The following MTA3 variants were observed in gnomAD, a reference collection of about 807,000 sequenced individuals.
The protein encoded by MTA3 is metastasis-associated protein MTA3.
MTA3 carries 34 observed loss-of-function variants against 83.5 expected under a neutral mutation model. The observed-to-expected ratio is 0.41, with a 90% CI of 0.31 to 0.54. The LOEUF (loss-of-function observed/expected upper bound fraction) is 0.54, where lower values mean the gene tolerates loss of function less well. MTA3 is among the 20% of genes least tolerant of loss of function. The pLI is 0.33. For missense variants in MTA3, 761 were observed against 726.4 expected (o/e 1.05, Z -0.55); for synonymous variants, 303 against 252.7 (o/e 1.20, Z -1.89).
chr2:42,514,111 G>A (rs959870020), intron 2 of MTA3, among the ~76,000 whole-genome samples: 2 of 152,160 alleles, frequency 1.3e-5, no homozygotes, highest in Non-Finnish European at 2.9e-5. Context: ...TACTTGGGAG[G>A]CTGAGGCAGG....
chr2:42,656,863 C>T (rs1230105651), intron 7 of MTA3, among the ~76,000 whole-genome samples: 1 of 152,098 alleles, frequency 6.6e-6, no homozygotes, highest in Non-Finnish European at 1.5e-5. Context: ...GATGAATGAA[C>T]TGAGGTATAC....
chr2:42,625,464 G>C (rs571401639), intron 4 of MTA3, among the ~76,000 whole-genome samples: 1 of 150,886 alleles, frequency 6.6e-6, no homozygotes, highest in Non-Finnish European at 1.5e-5. Context: ...TTTGTTTTAT[G>C]GGCCGGGCAC....
upstream of MTA3, among the ~76,000 whole-genome samples, chr2:42,565,046 G>C (rs1677848157): frequency 1.3e-5 from 2 of 152,146 alleles, no homozygotes; most frequent in African/African-American, 4.8e-5. Flanking sequence ...AAAGTGCTGG[G>C]ATTACAGGTG....
At chr2:42,618,773 T>C (rs1276406199) in intron 4 of MTA3, among the ~76,000 whole-genome samples, 2 of 152,130 alleles carry the variant, frequency 1.3e-5, no homozygotes, top group Admixed American at 1.3e-4. Flanking sequence ...ATGCCTGGCT[T>C]ATTAAAATAA....
intron 4 of MTA3, among the ~76,000 whole-genome samples, chr2:42,616,613 C>CT (rs2104151066): frequency 9.2e-6 from 1 of 108,668 alleles, no homozygotes; most frequent in Non-Finnish European, 1.7e-5. Context: ...GGGTCTCACT[C>CT]TGTCACCCAG....
intron 4 of MTA3, among the ~76,000 whole-genome samples, chr2:42,619,379 TTA>T (rs972587985): frequency 1.3e-5 from 2 of 152,204 alleles, no homozygotes; most frequent in Non-Finnish European, 2.9e-5. Context: ...TTTTTGTATC[TTA>T]GTCAGTTTTA....
chr2:42,616,023 C>T (rs546776758), intron 4 of MTA3, among the ~76,000 whole-genome samples: 1 of 150,180 alleles, frequency 6.7e-6, no homozygotes, highest in East Asian at 2.0e-4. Flanking sequence ...CCCGGCCGTA[C>T]AGGCGTGAGC....
Position 42,754,005 on chromosome 2 carries a change from C to T in MTA3, c.*606C>T. 1.0e-6 allele frequency: 1 copy of T among 985,310 alleles called. No individual in the cohort carries two copies. The highest frequency in any genetic ancestry group is 4.7e-5 in the South Asian group (1 of 21,318). 61.0% of individuals were successfully genotyped at this position (985,310 alleles called of 1,614,324 possible). On this transcript the variant is annotated 3_prime_UTR_variant, in exon 17 of 17. Coordinates refer to ENST00000405094, the MANE Select transcript of MTA3 (RefSeq NM_001330442.2). The stretch of plus-strand genomic sequence containing the variant: ...TACCCTCTGCATTCCTATATGTGAC[C>T]CTCCCTCCTACTCCTCCAAGGAACA...
chr2:42,681,534 A>T (rs544161361), intron 8 of MTA3, among the ~76,000 whole-genome samples: 70 of 152,168 alleles, frequency 4.6e-4, no homozygotes, highest in Non-Finnish European at 9.0e-4. Context: ...ATTTTTTGAG[A>T]TAGGCTGTCA....
chr2:42,620,564 C>T (rs1328250291), intron 4 of MTA3, among the ~76,000 whole-genome samples: 1 of 152,182 alleles, frequency 6.6e-6, no homozygotes, highest in Admixed American at 6.5e-5. Flanking sequence ...GTCATCACGG[C>T]TCACTGCAGC....
chr2:42,532,732 C>T (rs1676035065), intron 2 of MTA3: 1 of 206,204 alleles, frequency 4.8e-6, no homozygotes, highest in Admixed American at 5.9e-5. Flanking sequence ...TTTTTACAAT[C>T]CAGAGGTTTT....
At chr2:42,638,847 C>CT (rs1321482322) in intron 4 of MTA3, among the ~76,000 whole-genome samples, 1 of 150,638 alleles carries the variant, frequency 6.6e-6, no homozygotes, top group African/African-American at 2.4e-5. Context: ...AGAAAGCTTT[C>CT]TAACCTACAG....
intron 5 of MTA3, among the ~76,000 whole-genome samples, chr2:42,642,010 A>G (rs1687741801): frequency 6.6e-6 from 1 of 152,124 alleles, no homozygotes; most frequent in South Asian, 2.1e-4. Flanking sequence ...CTGCACTTGT[A>G]CCCCCTAAAT....
At chr2:42,737,650 T>C (rs572955147) in intron 16 of MTA3, among the ~76,000 whole-genome samples, 1 of 152,336 alleles carries the variant, frequency 6.6e-6, no homozygotes, top group Non-Finnish European at 1.5e-5. Context: ...TCTTTTCATG[T>C]ACTTTATATC....
intron 12 of MTA3, among the ~76,000 whole-genome samples, chr2:42,705,852 T>C (rs1401926535): frequency 6.6e-6 from 1 of 152,238 alleles, no homozygotes; most frequent in Admixed American, 6.5e-5. Context: ...CATGTATTAC[T>C]AATCTCCATG....
At chr2:42,640,063 C>G (rs940369037) in intron 4 of MTA3, 110 bp from the exon 5 acceptor site, 6 of 714,934 alleles carry the variant, frequency 8.4e-6, no homozygotes, top group Non-Finnish European at 1.4e-5. Context: ...ATATTCCTAA[C>G]TGCCATGTAG....
In MTA3 at chr2:42,731,353, C is replaced by CTT. The variant is rs747564260; in HGVS notation, c.1759+8319_1759+8320insTT. On this transcript the variant is annotated intron_variant, in intron 16 of 16. Transcript: ENST00000405094. ...CTTGTATTAGTCTGTTTTCACACTG[C>CTT]TGATAAAGACATATCTGAGACTGGG... is the stretch of plus-strand genomic sequence containing the variant. 1.6e-3 allele frequency among the ~76,000 whole-genome samples: 243 copies of CTT among 152,140 alleles called. 1 individual carries two copies. The highest frequency in any genetic ancestry group is 3.1e-3 in the Non-Finnish European group (209 of 68,034).
At chr2:42,616,667 C>G (rs1049511351) in intron 4 of MTA3, among the ~76,000 whole-genome samples, 3 of 148,200 alleles carry the variant, frequency 2.0e-5, no homozygotes, top group African/African-American at 7.5e-5. Flanking sequence ...CAGCCTCGTC[C>G]TCCCTGGCTG....
chr2:42,659,824 C>T lies in MTA3; in HGVS notation c.664C>T (p.His222Tyr). Reference protein sequence around the residue: ...CSSSVRQPSLHMSAAAASRDI... With the variant: ...CSSSVRQPSLYMSAAAASRDI... ...CAGTTCTGTGAGGCAGCCTAGTTTG[C>T]ATATGAGTGCTGCTGCAGCTTCCCG... Residue 222 changes from histidine (H) to tyrosine (Y), a missense_variant, in exon 8 of 17, where the codon CAT becomes TAT. His to Tyr is a moderately conservative substitution (Grantham distance 83, BLOSUM62 2). Transcript: ENST00000405094. 6.2e-7 allele frequency: 1 copy of T among 1,607,710 alleles called. No homozygotes were observed. Among genetic ancestry groups the T allele is most frequent in the Non-Finnish European group, 8.5e-7 (1 of 1,177,082 alleles).
Sources: gnomAD v4.1 joint callset for allele counts (sites outside exome capture counted in the v4.1 genomes callset) on GRCh38, gnomAD v4.1.1 for gene constraint, MANE v1.5 for transcripts, NCBI Gene and HGNC (gene_info 2026-07-23, HGNC 2026-07-21) for gene names.